STK33: variants seen among roughly 807,000 people sequenced by gnomAD.
STK33 encodes the protein serine/threonine kinase 33, also known as serine/threonine-protein kinase 33.
STK33 carries 52 observed loss-of-function variants against 58.0 expected under a neutral mutation model. The observed-to-expected ratio is 0.90, with a 90% CI of 0.72 to 1.13. The LOEUF (loss-of-function observed/expected upper bound fraction) is 1.13. STK33 is among the 50% of genes most tolerant of loss of function. The probability of loss-of-function intolerance (pLI) is 0.00; values close to 1 mark genes in which losing one functional copy is unlikely to be tolerated. For synonymous variants in STK33, 215 were observed against 200.1 expected, an observed-to-expected ratio of 1.07 and a Z score of -0.63; for missense variants, 630 against 604.2, an observed-to-expected ratio of 1.04 and a Z score of -0.45.
At chr11:8,520,236 C>A (rs184014697) in intron 1 of STK33, among the ~76,000 whole-genome samples, 192 of 152,246 alleles carry the variant, frequency 1.3e-3, no homozygotes, top group Non-Finnish European at 2.3e-3. Context: ...GAGCCAAAGA[C>A]AAAAACCACA....
chr11:8,470,369 A>G (rs1256256667), intron 6 of STK33, among the ~76,000 whole-genome samples: 1 of 152,188 alleles, frequency 6.6e-6, no homozygotes, highest in African/African-American at 2.4e-5. Context: ...CACAAAACTG[A>G]AAACAGGGCC....
rs181618371 is a variant in STK33, at chr11:8,565,399, T to C, written c.-466+28684A>G. Among the ~76,000 whole-genome samples the C allele has an allele frequency of 2.0e-5, 3 of 152,262 alleles. No individual in the cohort carries two copies. The South Asian group carries it at 6.2e-4, about 32-fold the overall frequency. ...ATATAAGCCTATGGCCATCTCTACATTGCAGGCAGCATAAAACTGGGGCAA... is the reference window on the plus strand; with the variant it reads ...ATATAAGCCTATGGCCATCTCTACACTGCAGGCAGCATAAAACTGGGGCAA... On this transcript the variant is annotated intron_variant, in intron 1 of 15. Coordinates refer to ENST00000687296, the MANE Select transcript of STK33 (RefSeq NM_001352389.2).
At chr11:8,563,909 A>T (rs190808569) in intron 1 of STK33, among the ~76,000 whole-genome samples, 54 of 152,232 alleles carry the variant, frequency 3.5e-4, no homozygotes, top group Non-Finnish European at 5.7e-4. Flanking sequence ...AGGAAATTAA[A>T]AGGGACCAGT....
Position 8,457,441 on chromosome 11 carries a change from T to TTC in STK33, c.595_596dup (p.Leu200AsnfsTer28). The TTC allele has an allele frequency of 6.2e-7, 1 of 1,604,716 alleles. No individual in the cohort carries two copies. The highest frequency in any genetic ancestry group is 8.5e-7 in the Non-Finnish European group (1 of 1,173,676). On this transcript the variant is annotated frameshift_variant, in exon 9 of 16. Transcript: ENST00000687296. LOFTEE classifies it high-confidence loss of function. ...CTTTCCTATCCAGAATTTCTTTGAG[T>TTC]TCTCCATCCTCACAAAGCTCCATCA...
chr11:8,397,629 T>A (rs920819078), intron 15 of STK33, among the ~76,000 whole-genome samples: 35 of 152,066 alleles, frequency 2.3e-4, no homozygotes, highest in African/African-American at 8.0e-4. Flanking sequence ...TTTGACGAGT[T>A]GAGAAAGAAG....
At chr11:8,370,184 G>A in the STK33 span, among the ~76,000 whole-genome samples, 1 of 151,760 alleles carries the variant, frequency 6.6e-6, no homozygotes, top group African/African-American at 2.4e-5. Context: ...ATTCAAACCT[G>A]GGCCTCAAAA....
In STK33 at chr11:8,401,897, A is replaced by C. The variant is rs571429344; in HGVS notation, c.1345-9187T>G. Among the ~76,000 whole-genome samples the C allele has an allele frequency of 8.5e-5, 13 of 152,220 alleles. No individual in the cohort carries two copies. In the South Asian group the frequency reaches 2.7e-3, roughly 32 times the overall value. ...TCATCACTGGCCATCAGAGAAATGC[A>C]AATCAAAACCACAATGAGATACCAT... On this transcript the variant is annotated intron_variant, in intron 15 of 15. Transcript: ENST00000687296.
downstream of STK33, among the ~76,000 whole-genome samples, chr11:8,391,189 A>G (rs909338742): frequency 2.0e-5 from 3 of 152,218 alleles, no homozygotes; most frequent in African/African-American, 7.2e-5. Flanking sequence ...AGAAAGCTTA[A>G]AGCTCAGGAT....
chr11:8,518,548 A>G (rs556647515), intron 1 of STK33, among the ~76,000 whole-genome samples: 1 of 152,366 alleles, frequency 6.6e-6, no homozygotes, highest in East Asian at 1.9e-4. Flanking sequence ...ACAGACTGGC[A>G]AATTGGATAG....
intron 1 of STK33, among the ~76,000 whole-genome samples, chr11:8,518,140 C>T (rs1952993655): frequency 1.3e-5 from 2 of 152,198 alleles, no homozygotes; most frequent in South Asian, 4.1e-4. Flanking sequence ...AACAGAGGAT[C>T]TCTTGGCAGA....
intron 1 of STK33, among the ~76,000 whole-genome samples, chr11:8,496,806 C>T (rs1951095182): frequency 6.6e-6 from 1 of 152,000 alleles, no homozygotes; most frequent in Non-Finnish European, 1.5e-5. Context: ...GATCTCCTCA[C>T]CTTGTGATCC....
intron 1 of STK33, among the ~76,000 whole-genome samples, chr11:8,492,101 C>A (rs552068422): frequency 3.3e-5 from 5 of 152,260 alleles, no homozygotes; most frequent in Non-Finnish European, 7.4e-5. Context: ...ACAATATTAA[C>A]CTTAAATGTA....
the STK33 span, among the ~76,000 whole-genome samples, chr11:8,368,926 G>C: frequency 6.6e-6 from 1 of 152,212 alleles, no homozygotes; most frequent in Non-Finnish European, 1.5e-5. Flanking sequence ...CGAGCAGTGT[G>C]CTGAGGCAGC....
intron 11 of STK33, among the ~76,000 whole-genome samples, chr11:8,452,564 C>T (rs1033994066): frequency 3.3e-5 from 5 of 152,002 alleles, no homozygotes; most frequent in Admixed American, 6.6e-5. Context: ...GGAGGGATCA[C>T]GTGAGCCCAG....
chr11:8,354,737 CAGCAGCTGGGG>C, the STK33 span, among the ~76,000 whole-genome samples: 1 of 152,234 alleles, frequency 6.6e-6, no homozygotes, highest in African/African-American at 2.4e-5. Flanking sequence ...CCCTGAGGAG[CAGCAGCTGGGG>C]CTGGGGAAGC....
intron 1 of STK33, among the ~76,000 whole-genome samples, chr11:8,586,068 T>G (rs1402454126): frequency 2.0e-5 from 3 of 151,376 alleles, no homozygotes; most frequent in African/African-American, 7.3e-5. Flanking sequence ...AACAAAAAAT[T>G]TAGCCAGGTG....
Position 8,402,452 on chromosome 11 carries a change from C to T in STK33, c.1345-9742G>A, listed in dbSNP as rs554862077. Among the ~76,000 whole-genome samples the T allele has an allele frequency of 2.2e-3, 337 of 152,210 alleles. 1 individual carries two copies. Among genetic ancestry groups the T allele is most frequent in the Non-Finnish European group, 3.0e-3 (202 of 68,024 alleles). Reference sequence around the variant, plus strand: ...GACACAGGAAGGGGAACATCACACACCGGGGCCTGTTGTGGGGTGGGGGCA... The same window carrying T: ...GACACAGGAAGGGGAACATCACACATCGGGGCCTGTTGTGGGGTGGGGGCA... On this transcript the variant is annotated intron_variant, in intron 15 of 15. Transcript: ENST00000687296.
At chr11:8,582,060 T>C (rs2030420850) in intron 1 of STK33, among the ~76,000 whole-genome samples, 1 of 152,236 alleles carries the variant, frequency 6.6e-6, no homozygotes. Flanking sequence ...ACTAATTGAA[T>C]GTCCATACTA....
intron 14 of STK33, among the ~76,000 whole-genome samples, chr11:8,432,024 C>T (rs1591004714): frequency 6.6e-6 from 1 of 152,268 alleles, no homozygotes. Context: ...TTGTAAGTTC[C>T]TTATGTCAGA....
Sources: gnomAD v4.1 joint callset for allele counts (sites outside exome capture counted in the v4.1 genomes callset) on GRCh38, gnomAD v4.1.1 for gene constraint, MANE v1.5 for transcripts, NCBI Gene and HGNC (gene_info 2026-07-23, HGNC 2026-07-21) for gene names.